Variants in ANKS1B observed in about 807,000 individuals in gnomAD.
The protein encoded by ANKS1B is ankyrin repeat and sterile alpha motif domain-containing protein 1B.
Under a neutral mutation model 148.3 loss-of-function variants are expected in ANKS1B, and 36 were observed. That is an observed-to-expected ratio of 0.24 (90% confidence interval 0.19 to 0.32). The LOEUF is 0.32. Ranked by LOEUF, ANKS1B falls within the 10% of genes least tolerant of loss-of-function variation. ANKS1B has a pLI of 1.00. For synonymous variants in ANKS1B, 542 were observed against 560.8 expected (o/e 0.97, Z 0.47); for missense variants, 1,157 against 1,542.6 (o/e 0.75, Z 4.19).
intron 25 of ANKS1B, among the ~76,000 whole-genome samples, chr12:98,765,026 G>A (rs959336183): frequency 2.6e-5 from 4 of 152,196 alleles, no homozygotes; most frequent in African/African-American, 9.6e-5. Context: ...GAAGCACGCA[G>A]CAACAAACAT....
At chr12:98,943,440 C>G (rs1486767426) in intron 17 of ANKS1B, among the ~76,000 whole-genome samples, 2 of 152,122 alleles carry the variant, frequency 1.3e-5, no homozygotes, top group African/African-American at 4.8e-5. Context: ...GATATTTGCC[C>G]AGATCTTACT....
chr12:99,963,834 T>A (rs958644953), intron 1 of ANKS1B, among the ~76,000 whole-genome samples: 15 of 152,206 alleles, frequency 9.9e-5, no homozygotes, highest in African/African-American at 9.6e-5. Context: ...CATATTTTTA[T>A]GACATTTTAA....
chr12:99,609,600 G>A (rs2097882759), intron 9 of ANKS1B, among the ~76,000 whole-genome samples: 1 of 151,684 alleles, frequency 6.6e-6, no homozygotes, highest in African/African-American at 2.4e-5. Flanking sequence ...GAGCATTCAG[G>A]GACCTCATCC....
intron 2 of ANKS1B, among the ~76,000 whole-genome samples, chr12:99,820,297 T>G (rs1185384585): frequency 6.6e-6 from 1 of 151,966 alleles, no homozygotes; most frequent in Non-Finnish European, 1.5e-5. Context: ...TAACTAGCAT[T>G]GATAAACAAT....
intron 10 of ANKS1B, among the ~76,000 whole-genome samples, chr12:99,475,044 C>T (rs1386348060): frequency 6.6e-6 from 1 of 151,480 alleles, no homozygotes; most frequent in Admixed American, 6.6e-5. Context: ...TGAGATCAGC[C>T]TGGCCAACAT....
chr12:99,966,341 G>T (rs1405539158), intron 1 of ANKS1B, among the ~76,000 whole-genome samples: 10 of 152,208 alleles, frequency 6.6e-5, no homozygotes, highest in Non-Finnish European at 5.9e-5. Context: ...GAAAAAAAAG[G>T]TTATTTAAAC....
At chr12:99,438,461 T>A (rs1026648059) in intron 11 of ANKS1B, among the ~76,000 whole-genome samples, 1 of 151,844 alleles carries the variant, frequency 6.6e-6, no homozygotes, top group Non-Finnish European at 1.5e-5. Context: ...AAAACCAAAC[T>A]TATCATGTCA....
At chr12:99,296,821 T>A (rs1679836663) in intron 12 of ANKS1B, among the ~76,000 whole-genome samples, 1 of 152,156 alleles carries the variant, frequency 6.6e-6, no homozygotes, top group Non-Finnish European at 1.5e-5. Flanking sequence ...TGCATTTAAG[T>A]AAAGATTCAA....
chr12:99,373,283 C>T (rs985980979), intron 12 of ANKS1B, among the ~76,000 whole-genome samples: 4 of 151,984 alleles, frequency 2.6e-5, no homozygotes, highest in Admixed American at 6.5e-5. Context: ...CAAGAGGTAT[C>T]GTATGACAAT....
chr12:99,714,888 G>A (rs1456399550), intron 8 of ANKS1B, among the ~76,000 whole-genome samples: 1 of 151,768 alleles, frequency 6.6e-6, no homozygotes, highest in African/African-American at 2.4e-5. Context: ...GGAAGCCAAG[G>A]CAGACAGATC....
chr12:99,767,713 A>G (rs978730486), intron 8 of ANKS1B, among the ~76,000 whole-genome samples: 3 of 152,172 alleles, frequency 2.0e-5, no homozygotes, highest in African/African-American at 7.2e-5. Context: ...AACTTAGAAA[A>G]TGGTTTCAGA....
At chr12:98,930,312 T>G (rs2099812573) in intron 17 of ANKS1B, among the ~76,000 whole-genome samples, 2 of 152,122 alleles carry the variant, frequency 1.3e-5, no homozygotes, top group Non-Finnish European at 2.9e-5. Context: ...GGAGAAATTG[T>G]AACTCTCATA....
chr12:99,950,866 T>C (rs909318984), intron 1 of ANKS1B, among the ~76,000 whole-genome samples: 5 of 152,190 alleles, frequency 3.3e-5, no homozygotes, highest in African/African-American at 1.2e-4. Context: ...TGTCTTTCTC[T>C]TTATTGATTT....
At chr12:99,903,750 G>GA (rs1422714621) in intron 1 of ANKS1B, among the ~76,000 whole-genome samples, 8 of 151,856 alleles carry the variant, frequency 5.3e-5, no homozygotes, top group African/African-American at 1.9e-4. Context: ...AAAATGGGAG[G>GA]GGGGGAGAGG....
At chr12:99,598,256 G>C (rs1056160541) in intron 9 of ANKS1B, among the ~76,000 whole-genome samples, 1 of 151,924 alleles carries the variant, frequency 6.6e-6, no homozygotes, top group Non-Finnish European at 1.5e-5. Flanking sequence ...CCAGGCACTG[G>C]GTATTACAAG....
chr12:99,600,906 C>A (rs1416670251), intron 9 of ANKS1B, among the ~76,000 whole-genome samples: 1 of 152,030 alleles, frequency 6.6e-6, no homozygotes, highest in African/African-American at 2.4e-5. Context: ...ATAAGACCTA[C>A]AAATTCCTTC....
At chr12:99,582,607 T>C (rs2097581572) in intron 9 of ANKS1B, among the ~76,000 whole-genome samples, 1 of 152,208 alleles carries the variant, frequency 6.6e-6, no homozygotes, top group Non-Finnish European at 1.5e-5. Flanking sequence ...TATCTGGTTC[T>C]ATTAGTATGT....
At chr12:99,031,882 A>G (rs1455394561) in intron 17 of ANKS1B, among the ~76,000 whole-genome samples, 1 of 152,222 alleles carries the variant, frequency 6.6e-6, no homozygotes, top group Non-Finnish European at 1.5e-5. Context: ...AGCATTCCTA[A>G]CTGATTCAAA....
intron 12 of ANKS1B, among the ~76,000 whole-genome samples, chr12:99,296,577 C>T (rs1327919333): frequency 6.6e-6 from 1 of 152,094 alleles, no homozygotes; most frequent in Non-Finnish European, 1.5e-5. Context: ...AATTTATATC[C>T]CTCATCTCTT....
Sources: gnomAD v4.1 joint callset for allele counts (sites outside exome capture counted in the v4.1 genomes callset) on GRCh38, gnomAD v4.1.1 for gene constraint, MANE v1.5 for transcripts, NCBI Gene and HGNC (gene_info 2026-07-23, HGNC 2026-07-21) for gene names.